Variants in SLC9A9 observed in about 807,000 individuals in gnomAD.
SLC9A9 encodes sodium/hydrogen exchanger 9.
In SLC9A9, 62 loss-of-function variants were observed where a neutral mutation model predicts 77.8. That is an observed-to-expected ratio of 0.80 (90% CI 0.65 to 0.98). SLC9A9 has a LOEUF of 0.98. SLC9A9 is among the 50% of genes least tolerant of loss of function. The pLI is 0.00. For missense variants in SLC9A9, 775 were observed against 774.9 expected (o/e 1.00, Z 0.00); for synonymous variants, 320 against 283.5 (o/e 1.13, Z -1.29).
At chr3:143,644,481 G>A (rs1260304989) in intron 6 of SLC9A9, among the ~76,000 whole-genome samples, 1 of 152,124 alleles carries the variant, frequency 6.6e-6, no homozygotes, top group East Asian at 1.9e-4. Flanking sequence ...ATCTGAACAG[G>A]GACATTAAGA....
At chr3:143,820,196 TTTGATCCAA>T (rs1372587587) in intron 2 of SLC9A9, among the ~76,000 whole-genome samples, 1 of 152,234 alleles carries the variant, frequency 6.6e-6, no homozygotes, top group Non-Finnish European at 1.5e-5. Flanking sequence ...GTAAGTGGCA[TTTGATCCAA>T]GTTATATGGC....
intron 11 of SLC9A9, among the ~76,000 whole-genome samples, chr3:143,492,963 T>A (rs1429939370): frequency 6.6e-6 from 1 of 152,212 alleles, no homozygotes; most frequent in Non-Finnish European, 1.5e-5. Context: ...TGACTAAAGA[T>A]AAACCATAAT....
At chr3:143,331,508 C>T (rs748024319) in intron 14 of SLC9A9, among the ~76,000 whole-genome samples, 5 of 152,134 alleles carry the variant, frequency 3.3e-5, no homozygotes, top group Non-Finnish European at 7.3e-5. Context: ...CTGTGGGGAG[C>T]GGTCTCTCCA....
intron 4 of SLC9A9, among the ~76,000 whole-genome samples, chr3:143,728,879 G>A (rs1177535444): frequency 1.3e-5 from 2 of 151,708 alleles, no homozygotes; most frequent in African/African-American, 4.8e-5. Flanking sequence ...AACTGATATG[G>A]TGGAGATACA....
chr3:143,610,153 T>C (rs2037998845), intron 6 of SLC9A9, among the ~76,000 whole-genome samples: 1 of 152,164 alleles, frequency 6.6e-6, no homozygotes, highest in Admixed American at 6.5e-5. Context: ...TATTTATTTT[T>C]TTTTTATTTA....
chr3:143,707,126 C>T (rs548620902), intron 4 of SLC9A9, among the ~76,000 whole-genome samples: 13 of 152,246 alleles, frequency 8.5e-5, no homozygotes, highest in Middle Eastern at 3.4e-3. Context: ...CAAGGGCCAT[C>T]GCTCAAACAG....
intron 12 of SLC9A9, among the ~76,000 whole-genome samples, chr3:143,435,631 GTTATC>G (rs1294282639): frequency 2.0e-5 from 3 of 152,126 alleles, no homozygotes; most frequent in Non-Finnish European, 4.4e-5. Flanking sequence ...CTTTCACTAT[GTTATC>G]TTAAAGGTAG....
chr3:143,806,098 C>A (rs187101169), intron 2 of SLC9A9, among the ~76,000 whole-genome samples: 1 of 150,886 alleles, frequency 6.6e-6, no homozygotes, highest in South Asian at 2.1e-4. Context: ...CCCTACCCCC[C>A]GTCCCCCACC....
chr3:143,458,278 A>G (rs2035129201), intron 12 of SLC9A9, among the ~76,000 whole-genome samples: 1 of 152,068 alleles, frequency 6.6e-6, no homozygotes, highest in Admixed American at 6.6e-5. Flanking sequence ...TTTGCATGGT[A>G]CACCTTTTTT....
At chr3:143,491,141 T>C (rs1288351081) in intron 11 of SLC9A9, among the ~76,000 whole-genome samples, 1 of 152,136 alleles carries the variant, frequency 6.6e-6, no homozygotes, top group African/African-American at 2.4e-5. Flanking sequence ...GGATGCTCAG[T>C]ATGGAAAACA....
intron 4 of SLC9A9, among the ~76,000 whole-genome samples, chr3:143,777,155 G>A (rs2007717565): frequency 6.6e-6 from 1 of 152,110 alleles, no homozygotes. Context: ...GATTATGAAT[G>A]AAACCCCGTT....
intron 15 of SLC9A9, 140 bp downstream of exon 15, chr3:143,268,735 A>AAAAAAAC: frequency 4.4e-6 from 1 of 229,464 alleles, no homozygotes; most frequent in Non-Finnish European, 8.5e-6. Flanking sequence ...TCCGTCTCAA[A>AAAAAAAC]AAAAAAAAAA....
At position 143,652,314 on chromosome 3, in the gene SLC9A9, CA is replaced by C; in HGVS notation, c.695del (p.Leu232ArgfsTer11). The part of the protein sequence containing the change: ...IFHELHVDPD[L>X]YTLLFGESVL... ...CACTCTCTCCAAACAAGAGTGTGTA[CA>C]GGTCAGGGTCGACGTGCAGTTCATG... On this transcript the variant is annotated frameshift_variant, in exon 6 of 16. Transcript: ENST00000316549. LOFTEE classifies it high-confidence loss of function. The C allele has an allele frequency of 1.9e-6, 3 of 1,613,358 alleles. No individual in the cohort carries two copies. Among genetic ancestry groups the C allele is most frequent in the Non-Finnish European group, 2.5e-6 (3 of 1,179,700 alleles).
chr3:143,277,099 G>A (rs972045432), intron 14 of SLC9A9, among the ~76,000 whole-genome samples: 4 of 152,170 alleles, frequency 2.6e-5, no homozygotes, highest in African/African-American at 9.7e-5. Flanking sequence ...AAAGGGCAGT[G>A]GAGTTGGTTG....
chr3:143,483,814 A>C (rs866134705), intron 11 of SLC9A9, among the ~76,000 whole-genome samples: 31 of 152,120 alleles, frequency 2.0e-4, no homozygotes, highest in African/African-American at 7.0e-4. Context: ...CCAAGACAGA[A>C]ATTTTAGGTT....
intron 14 of SLC9A9, among the ~76,000 whole-genome samples, chr3:143,362,485 C>T (rs1002279137): frequency 5.3e-5 from 8 of 151,996 alleles, no homozygotes; most frequent in African/African-American, 1.4e-4. Context: ...CTCTAATTTG[C>T]TTTCCTTTCC....
At chr3:143,543,392 T>C (rs867372083) in intron 9 of SLC9A9, among the ~76,000 whole-genome samples, 1 of 146,380 alleles carries the variant, frequency 6.8e-6, no homozygotes, top group Non-Finnish European at 1.5e-5. Flanking sequence ...TTTTTTTTTT[T>C]CTTCTATTTT....
chr3:143,407,379 A>G (rs1440892595), intron 12 of SLC9A9, among the ~76,000 whole-genome samples: 1 of 152,214 alleles, frequency 6.6e-6, no homozygotes. Flanking sequence ...TGCAGCTGAC[A>G]ATATCCTAGG....
intron 13 of SLC9A9, among the ~76,000 whole-genome samples, chr3:143,369,012 C>T (rs2032982163): frequency 6.6e-6 from 1 of 152,054 alleles, no homozygotes; most frequent in South Asian, 2.1e-4. Flanking sequence ...AAGATAGAGT[C>T]AGAAAATACA....
Sources: allele counts gnomAD v4.1 joint callset (sites outside exome capture counted in the v4.1 genomes callset), GRCh38; gene constraint gnomAD v4.1.1; transcripts MANE v1.5; gene names NCBI Gene and HGNC (gene_info 2026-07-23, HGNC 2026-07-21).